Variants in TMTC2 observed in about 807,000 individuals in gnomAD.
TMTC2 encodes transmembrane O-mannosyltransferase targeting cadherins 2, also known as protein O-mannosyl-transferase TMTC2.
Under a neutral mutation model 82.4 loss-of-function variants are expected in TMTC2, and 43 were observed. That is an observed-to-expected ratio of 0.52 (90% CI 0.41 to 0.67). The LOEUF is 0.67. Ranked by LOEUF, TMTC2 falls within the 30% of genes least tolerant of loss-of-function variation. TMTC2 has a pLI of 0.00. For missense variants in TMTC2, 919 were observed against 1,012.4 expected, an observed-to-expected ratio of 0.91 and a Z score of 1.25; for synonymous variants, 408 against 381.9, an observed-to-expected ratio of 1.07 and a Z score of -0.80.
intron 1 of TMTC2, among the ~76,000 whole-genome samples, chr12:82,768,233 C>T (rs555067238): frequency 1.2e-4 from 19 of 152,286 alleles, no homozygotes; most frequent in South Asian, 1.2e-3. Flanking sequence ...TTGTGTCTGC[C>T]GTCACTCCCT....
chr12:83,107,728 C>T (rs1397576821), intron 11 of TMTC2, among the ~76,000 whole-genome samples: 1 of 151,876 alleles, frequency 6.6e-6, no homozygotes, highest in African/African-American at 2.4e-5. Flanking sequence ...TTGTTGATAA[C>T]TTCTATCTAC....
intron 3 of TMTC2, among the ~76,000 whole-genome samples, chr12:82,903,604 G>A (rs1378253496): frequency 2.0e-5 from 3 of 152,028 alleles, no homozygotes; most frequent in Non-Finnish European, 4.4e-5. Flanking sequence ...TAGTAGAGAC[G>A]GGGTTTCACC....
intron 8 of TMTC2, among the ~76,000 whole-genome samples, chr12:83,007,877 G>T (rs1463206051): frequency 6.6e-6 from 1 of 152,086 alleles, no homozygotes; most frequent in Non-Finnish European, 1.5e-5. Flanking sequence ...ATTTTTAAAG[G>T]ATAGTTTCAC....
chr12:82,755,422 T>C (rs1445449123), intron 1 of TMTC2, among the ~76,000 whole-genome samples: 2 of 152,224 alleles, frequency 1.3e-5, no homozygotes, highest in African/African-American at 4.8e-5. Context: ...GGGGTTCATC[T>C]GCTGCCCACA....
chr12:82,781,188 T>C (rs1877885312), intron 1 of TMTC2, among the ~76,000 whole-genome samples: 2 of 152,062 alleles, frequency 1.3e-5, no homozygotes, highest in African/African-American at 4.8e-5. Flanking sequence ...GAGAGTATCG[T>C]TGATGAGTAG....
At chr12:82,749,739 C>CTTTTTT (rs71068950) in intron 1 of TMTC2, among the ~76,000 whole-genome samples, 12 of 127,160 alleles carry the variant, frequency 9.4e-5, no homozygotes, top group African/African-American at 2.8e-4. Flanking sequence ...TTCTTTCTTT[C>CTTTTTT]TTTTTTTTTT....
At chr12:82,748,273 T>A (rs1875794265) in intron 1 of TMTC2, among the ~76,000 whole-genome samples, 2 of 151,878 alleles carry the variant, frequency 1.3e-5, no homozygotes, top group South Asian at 4.1e-4. Context: ...ATCACACCAC[T>A]GCACTCCAGC....
intron 4 of TMTC2, among the ~76,000 whole-genome samples, chr12:82,930,924 T>A (rs1696307755): frequency 6.6e-6 from 1 of 152,190 alleles, no homozygotes. Context: ...TTATTATTTT[T>A]ATGAGACAGT....
intron 11 of TMTC2, among the ~76,000 whole-genome samples, chr12:83,077,961 TC>T (rs529099691): frequency 7.1e-6 from 1 of 140,680 alleles, no homozygotes; most frequent in South Asian, 2.3e-4. Flanking sequence ...ATATTTTTCC[TC>T]CCCCCCACAA....
At chr12:83,056,289 C>A (rs1302167233) in intron 10 of TMTC2, among the ~76,000 whole-genome samples, 12 of 151,846 alleles carry the variant, frequency 7.9e-5, no homozygotes. Flanking sequence ...GAGACGTGTG[C>A]ACTTTCCTTT....
At chr12:82,758,788 TTTTAG>T (rs1876468690) in intron 1 of TMTC2, 1 of 152,176 alleles carries the variant, frequency 6.6e-6, no homozygotes, top group Non-Finnish European at 1.5e-5. Flanking sequence ...CATGAAATAA[TTTTAG>T]TTTAGTTATC....
At chr12:83,030,749 A>C (rs780123730) in intron 8 of TMTC2, 49 bp from the exon 9 acceptor site, 4 of 1,410,334 alleles carry the variant, frequency 2.8e-6, no homozygotes. Context: ...GGCAGTGAAG[A>C]ATCCCTCATG....
chr12:82,786,981 A>G (rs1316071337), intron 1 of TMTC2, among the ~76,000 whole-genome samples: 2 of 152,180 alleles, frequency 1.3e-5, no homozygotes, highest in South Asian at 2.1e-4. Flanking sequence ...ATAGGAGCCT[A>G]TATAACCATA....
At chr12:83,127,113 G>A (rs1206485404) in intron 11 of TMTC2, among the ~76,000 whole-genome samples, 1 of 152,052 alleles carries the variant, frequency 6.6e-6, no homozygotes, top group Non-Finnish European at 1.5e-5. Flanking sequence ...AGTTCAGACT[G>A]CAAACTCATT....
chr12:82,912,958 A>G (rs1279802172), intron 3 of TMTC2, among the ~76,000 whole-genome samples: 3 of 138,888 alleles, frequency 2.2e-5, no homozygotes, highest in Admixed American at 1.5e-4. Context: ...AAAAAAAAGA[A>G]TGGGTGGTAA....
intron 1 of TMTC2, among the ~76,000 whole-genome samples, chr12:82,715,832 G>T (rs1193245124): frequency 1.3e-5 from 2 of 152,148 alleles, no homozygotes; most frequent in Non-Finnish European, 2.9e-5. Context: ...CTAACATTTA[G>T]AATATTTCAC....
intron 1 of TMTC2, among the ~76,000 whole-genome samples, chr12:82,815,693 A>C (rs912246640): frequency 6.6e-6 from 1 of 152,030 alleles, no homozygotes; most frequent in Non-Finnish European, 1.5e-5. Context: ...CCCAGTAAGA[A>C]GCAGGAATGA....
At chr12:82,929,514 C>G (rs147843870) in intron 3 of TMTC2, among the ~76,000 whole-genome samples, 252 of 152,304 alleles carry the variant, frequency 1.7e-3, no homozygotes, top group Middle Eastern at 6.8e-3. Context: ...AGATTCTGTG[C>G]TCTTTTTTTG....
At chr12:82,714,071 TAAA>T (rs1382229782) in intron 1 of TMTC2, among the ~76,000 whole-genome samples, 2 of 152,232 alleles carry the variant, frequency 1.3e-5, no homozygotes, top group Admixed American at 1.3e-4. Flanking sequence ...GTGATTTCAC[TAAA>T]GTTACACATT....
Sources: allele counts gnomAD v4.1 joint callset (sites outside exome capture counted in the v4.1 genomes callset), GRCh38; gene constraint gnomAD v4.1.1; transcripts MANE v1.5; gene names NCBI Gene and HGNC (gene_info 2026-07-23, HGNC 2026-07-21).